Variants in LDLRAD4 observed in about 807,000 individuals in gnomAD.
The protein encoded by LDLRAD4 is low density lipoprotein receptor class A domain containing 4.
In LDLRAD4, 5 loss-of-function variants were observed where a neutral mutation model predicts 17.0. The ratio of observed to expected loss-of-function variants is 0.29; its 90% confidence interval spans 0.15 to 0.62. The LOEUF (loss-of-function observed/expected upper bound fraction) is 0.62. Among genes scored for constraint, LDLRAD4 ranks in the 20% least tolerant of loss-of-function variants. The probability of loss-of-function intolerance (pLI) is 0.84; values close to 1 mark genes in which losing one functional copy is unlikely to be tolerated. For missense variants in LDLRAD4, 340 were observed against 424.7 expected, an observed-to-expected ratio of 0.80 and a Z score of 1.75; for synonymous variants, 168 against 171.8, an observed-to-expected ratio of 0.98 and a Z score of 0.17.
At chr18:13,350,304 C>T (rs2082964544) in intron 1 of LDLRAD4, among the ~76,000 whole-genome samples, 1 of 152,154 alleles carries the variant, frequency 6.6e-6, no homozygotes, top group Admixed American at 6.5e-5. Context: ...TGTTATTTGA[C>T]TTTTTAATAA....
chr18:13,624,973 C>G (rs1272502130), intron 4 of LDLRAD4, among the ~76,000 whole-genome samples: 2 of 152,204 alleles, frequency 1.3e-5, no homozygotes, highest in Non-Finnish European at 2.9e-5. Context: ...GCACCTCTTC[C>G]TTTCTCAGCA....
At chr18:13,550,508 C>T (rs1007357588) in intron 3 of LDLRAD4, among the ~76,000 whole-genome samples, 9 of 152,302 alleles carry the variant, frequency 5.9e-5, no homozygotes, top group South Asian at 2.1e-4. Context: ...GGTGTCTGGA[C>T]GGCTTACATC....
chr18:13,514,303 C>G (rs2093829343), intron 3 of LDLRAD4, among the ~76,000 whole-genome samples: 1 of 152,186 alleles, frequency 6.6e-6, no homozygotes, highest in Non-Finnish European at 1.5e-5. Context: ...AGATAATAAA[C>G]CAATTTCACA....
chr18:13,541,339 C>A (rs1017032675), intron 3 of LDLRAD4, among the ~76,000 whole-genome samples: 3 of 152,192 alleles, frequency 2.0e-5, no homozygotes, highest in Non-Finnish European at 4.4e-5. Flanking sequence ...CCAGTGCCAA[C>A]AATAGGGACT....
intron 2 of LDLRAD4, among the ~76,000 whole-genome samples, chr18:13,406,897 A>G (rs1479249391): frequency 6.6e-6 from 1 of 152,084 alleles, no homozygotes; most frequent in Non-Finnish European, 1.5e-5. Flanking sequence ...TGGCGGGTGA[A>G]GGTGGACTTG....
intron 1 of LDLRAD4, among the ~76,000 whole-genome samples, chr18:13,237,930 G>C (rs1233616868): frequency 6.6e-6 from 1 of 152,154 alleles, no homozygotes. Context: ...ATGGGAGGCT[G>C]GGGTAGAGTC....
chr18:13,623,001 T>G (rs1044513920), intron 4 of LDLRAD4, among the ~76,000 whole-genome samples: 3 of 152,196 alleles, frequency 2.0e-5, no homozygotes, highest in Non-Finnish European at 1.5e-5. Context: ...CTCTCCCTAG[T>G]GTGGGTCAGG....
At chr18:13,517,621 G>T (rs1353422255) in intron 3 of LDLRAD4, among the ~76,000 whole-genome samples, 1 of 152,262 alleles carries the variant, frequency 6.6e-6, no homozygotes, top group Non-Finnish European at 1.5e-5. Context: ...TGGGGTTCCT[G>T]GAAGGAGTGC....
intron 1 of LDLRAD4, among the ~76,000 whole-genome samples, chr18:13,327,752 C>T (rs2081610720): frequency 6.6e-6 from 1 of 152,094 alleles, no homozygotes; most frequent in South Asian, 2.1e-4. Context: ...ATGGTGGGCC[C>T]AGAGACCCAC....
chr18:13,362,208 GT>G (rs2083722411), intron 1 of LDLRAD4: 1 of 152,226 alleles, frequency 6.6e-6, no homozygotes, highest in Non-Finnish European at 1.5e-5. Flanking sequence ...GTACGAGTTT[GT>G]GTAGGACCGT....
At position 13,595,220 on chromosome 18, in the gene LDLRAD4, G is replaced by T. The variant is rs200827025; in HGVS notation, c.182-25897G>T. ...TCTCTATTTTTCTATTCTCTGTTTT[G>T]TTACTGTAATCTTTGTTATTTCCTT... On this transcript the variant is annotated intron_variant, in intron 3 of 5. Transcript: ENST00000359446. Among the ~76,000 whole-genome samples the T allele has an allele frequency of 4.0e-5, 6 of 151,544 alleles. No homozygotes were observed. The East Asian group carries it at 1.2e-3, about 29-fold the overall frequency.
At chr18:13,219,574 G>C (rs1415771382) in intron 1 of LDLRAD4, among the ~76,000 whole-genome samples, 1 of 152,210 alleles carries the variant, frequency 6.6e-6, no homozygotes, top group Non-Finnish European at 1.5e-5. Flanking sequence ...TAGCTGCACA[G>C]AATGTGGGTT....
intron 1 of LDLRAD4, among the ~76,000 whole-genome samples, chr18:13,347,973 C>G (rs562855397): frequency 6.6e-6 from 1 of 152,278 alleles, no homozygotes; most frequent in South Asian, 2.1e-4. Flanking sequence ...AGCCATTCGT[C>G]TAATCTTTTT....
intron 3 of LDLRAD4, among the ~76,000 whole-genome samples, chr18:13,439,334 G>A (rs2090873044): frequency 6.6e-6 from 1 of 152,102 alleles, no homozygotes; most frequent in South Asian, 2.1e-4. Flanking sequence ...TTTTATATGG[G>A]GGGCAAGTTA....
At chr18:13,236,669 C>T (rs1332256239) in intron 1 of LDLRAD4, among the ~76,000 whole-genome samples, 1 of 152,110 alleles carries the variant, frequency 6.6e-6, no homozygotes, top group East Asian at 1.9e-4. Context: ...TGGGTGCTGG[C>T]GTTGCCTGTG....
intron 1 of LDLRAD4, among the ~76,000 whole-genome samples, chr18:13,369,378 C>T (rs1183584873): frequency 6.6e-6 from 1 of 152,066 alleles, no homozygotes; most frequent in African/African-American, 2.4e-5. Context: ...AGAGGGCATG[C>T]GTGTGGGGAG....
intron 1 of LDLRAD4, among the ~76,000 whole-genome samples, chr18:13,225,790 A>G (rs1466328149): frequency 6.6e-6 from 1 of 152,204 alleles, no homozygotes; most frequent in African/African-American, 2.4e-5. Context: ...TTATAAAGTC[A>G]TTTATGTACT....
At chr18:13,357,465 A>G (rs1193441998) in intron 1 of LDLRAD4, among the ~76,000 whole-genome samples, 1 of 151,718 alleles carries the variant, frequency 6.6e-6, no homozygotes, top group African/African-American at 2.4e-5. Context: ...TGTTGGCTCT[A>G]GAGGTTCCTT....
rs1413778761 is a variant in LDLRAD4, at chr18:13,460,560, T to C, written c.181+22176T>C. 5.9e-5 allele frequency among the ~76,000 whole-genome samples: 9 copies of C among 152,252 alleles called. No homozygotes were observed. In the South Asian group the frequency reaches 1.9e-3, roughly 31 times the overall value. On this transcript the variant is annotated intron_variant, in intron 3 of 5. Transcript: ENST00000359446. ...ATCTGACGAAGCCATGTGTCTGTTT[T>C]GTATTTTCTAAGAGATTTGGTGCTG...
Sources: allele counts gnomAD v4.1 joint callset (sites outside exome capture counted in the v4.1 genomes callset), GRCh38; gene constraint gnomAD v4.1.1; transcripts MANE v1.5; gene names NCBI Gene and HGNC (gene_info 2026-07-23, HGNC 2026-07-21).